The following CCRL2 variants were observed in gnomAD, a reference collection of about 807,000 sequenced individuals.
CCRL2 encodes C-C chemokine receptor-like 2.
For missense variants in CCRL2, 451 were observed against 412.4 expected (o/e 1.09, Z -0.81); for synonymous variants, 181 against 165.6 (o/e 1.09, Z -0.71).
At chr3:46,407,656 T>G (rs1702066031) in intron 1 of CCRL2, 154 bp downstream of exon 1, 2 of 1,529,176 alleles carry the variant, frequency 1.3e-6, no homozygotes, top group East Asian at 5.0e-5. Context: ...GCAAACTTTT[T>G]AAAATGCAGA....
At chr3:46,407,599 G>A (rs963962116) in intron 1 of CCRL2, 97 bp downstream of exon 1, 26 of 1,259,488 alleles carry the variant, frequency 2.1e-5, no homozygotes, top group African/African-American at 6.2e-5. Flanking sequence ...TATACCCTTC[G>A]AGAGAAAAAC....
Position 46,407,636 on chromosome 3 carries a change from CG to C in CCRL2, c.-13+140del, listed in dbSNP as rs767358601. On this transcript the variant is annotated intron_variant, in intron 1 of 1. Coordinates refer to ENST00000399036, the MANE Select transcript of CCRL2 (RefSeq NM_003965.5). ...TCTCAGCTGTCACAGGAAGCTGCTT[CG>C]GGGGGTGAGCAAACTTTTTAAAATG... is the stretch of plus-strand genomic sequence containing the variant. 5 of 1,536,376 alleles carry C rather than the reference CG, an allele frequency of 3.3e-6. No individual in the cohort carries two copies. The African/African-American group carries it at 4.2e-5, about 13-fold the overall frequency.
At position 46,408,783 on chromosome 3, in the gene CCRL2, G is replaced by C. The variant is rs376131944; in HGVS notation, c.704G>C (p.Ser235Thr). The C allele has an allele frequency of 5.6e-6, 9 of 1,614,056 alleles. No individual in the cohort carries two copies. In the African/African-American group the frequency reaches 1.1e-4, roughly 19 times the overall value. ...CTAAGGTTCAGGGAGCAGAGGTATA[G>C]CCTTTTCAAGCTTGTTTTTGCCATA... ...KTLRFREQRY[S>T]LFKLVFAIMV... The change falls in exon 2 of 2, where the codon AGC (serine) becomes ACC (threonine). Residue 235 changes from serine (S) to threonine (T), a missense_variant. Ser to Thr is a moderately conservative substitution (Grantham distance 58). Transcript: ENST00000399036.
In CCRL2 at chr3:46,409,381, G is replaced by C; in HGVS notation, c.*267G>C. 1 of 474,378 alleles carries C rather than the reference G, an allele frequency of 2.1e-6. No homozygotes were observed. Among genetic ancestry groups the C allele is most frequent in the Non-Finnish European group, 3.9e-6 (1 of 259,178 alleles). The allele number at this position is 474,378 out of a possible 1,614,324, so 29.4% of individuals were successfully genotyped here. ...GAAGAAAACTAAGGCGCGGAAATTT[G>C]TCTAAGATCACATAACTAGGAAGTG... On this transcript the variant is annotated 3_prime_UTR_variant, in exon 2 of 2. Transcript: ENST00000399036.
chr3:46,407,637 G>A (rs973453198), intron 1 of CCRL2, 135 bp downstream of exon 1: 45 of 1,535,654 alleles, frequency 2.9e-5, no homozygotes, highest in Middle Eastern at 1.7e-4. Flanking sequence ...AAGCTGCTTC[G>A]GGGGGTGAGC....
rs938617585 is a variant in CCRL2 at position 46,407,423 on chromosome 3, A to G, written c.-92A>G. Reference sequence around the variant, plus strand: ...CAGTCTGATCAAAAGGAGGGCATCCACTGTCCGGGGCCATTCCCACAGCTC... The same window carrying G: ...CAGTCTGATCAAAAGGAGGGCATCCGCTGTCCGGGGCCATTCCCACAGCTC... On this transcript the variant is annotated 5_prime_UTR_variant, in exon 1 of 2. Coordinates refer to ENST00000399036, the MANE Select transcript of CCRL2 (RefSeq NM_003965.5). The G allele has an allele frequency of 4.1e-5, 21 of 518,334 alleles. No individual in the cohort carries two copies. Among genetic ancestry groups the G allele is most frequent in the African/African-American group, 3.9e-4 (19 of 49,116 alleles). The allele number at this position is 518,334 out of a possible 1,614,324, so 32.1% of individuals were successfully genotyped here.
At position 46,408,808 on chromosome 3, in the gene CCRL2, A is replaced by G; in HGVS notation, c.729A>G (p.Ile243Met). 2 of 1,614,188 alleles carry G rather than the reference A, an allele frequency of 1.2e-6. No individual in the cohort carries two copies. Among genetic ancestry groups the G allele is most frequent in the Non-Finnish European group, 1.7e-6 (2 of 1,180,038 alleles). ...RYSLFKLVFA[I>M]MVVFLLMWAP... ...GCCTTTTCAAGCTTGTTTTTGCCAT[A>G]ATGGTAGTCTTCCTTCTGATGTGGG... Residue 243 changes from isoleucine (I) to methionine (M), a missense_variant, in exon 2 of 2, where the codon ATA (isoleucine) becomes ATG (methionine). Transcript: ENST00000399036.
chr3:46,408,220 T>G lies in CCRL2; in HGVS notation c.141T>G (p.Ala47=). 6.2e-7 allele frequency: 1 copy of G among 1,614,198 alleles called. No homozygotes were observed. Among genetic ancestry groups the G allele is most frequent in the Non-Finnish European group, 8.5e-7 (1 of 1,180,024 alleles). The part of the protein sequence containing the change: ...SAQLVPSLCS[A]VFVIGVLDNL... ...AGCTGGTGCCATCACTCTGCTCTGCTGTGTTTGTGATCGGTGTCCTGGACA... is the reference window on the plus strand; with the variant it reads ...AGCTGGTGCCATCACTCTGCTCTGCGGTGTTTGTGATCGGTGTCCTGGACA... Residue 47 remains alanine, a synonymous_variant, in exon 2 of 2, where the codon GCT becomes GCG. Transcript: ENST00000399036.
chr3:46,408,548 G>A lies in CCRL2; in HGVS notation c.469G>A (p.Val157Ile), dbSNP rs201098821. The A allele has an allele frequency of 3.2e-5, 52 of 1,614,014 alleles. No individual in the cohort carries two copies. Among genetic ancestry groups the A allele is most frequent in the Non-Finnish European group, 4.2e-5 (49 of 1,179,968 alleles). ...CGIITSVLAW[V>I]TAILATLPEF... ...CATCATTACAAGTGTCCTGGCATGG[G>A]TAACAGCCATTCTGGCCACTTTGCC... The change falls in exon 2 of 2, where the codon GTA becomes ATA. Residue 157 changes from valine to isoleucine, a missense_variant. By Grantham distance (29) the Val-to-Ile change is conservative. Coordinates refer to ENST00000399036, the MANE Select transcript of CCRL2 (RefSeq NM_003965.5).
In CCRL2 at chr3:46,408,841, C is replaced by T. The variant is rs749456069; in HGVS notation, c.762C>T (p.Tyr254=). ...MVVFLLMWAP[Y]NIAFFLSTFK... is the part of the protein sequence containing the mutation. ...TCTTCCTTCTGATGTGGGCGCCCTACAATATTGCATTTTTCCTGTCCACTT... is the reference window on the plus strand; with the variant it reads ...TCTTCCTTCTGATGTGGGCGCCCTATAATATTGCATTTTTCCTGTCCACTT... The change falls in exon 2 of 2, where the codon TAC becomes TAT. Residue 254 remains tyrosine, a synonymous_variant. Transcript: ENST00000399036. 4.3e-5 allele frequency: 70 copies of T among 1,614,058 alleles called. No homozygotes were observed. Among genetic ancestry groups the T allele is most frequent in the Middle Eastern group, 1.6e-4 (1 of 6,084 alleles).
rs189815739 is a variant in CCRL2 at position 46,408,177 on chromosome 3, C to G, written c.98C>G (p.Ala33Gly). Residue 33 changes from alanine (A) to glycine (G), a missense_variant, in exon 2 of 2, where the codon GCC becomes GGC. Physicochemically the swap from Ala to Gly is moderately conservative, Grantham distance 60 (BLOSUM62 0). Coordinates refer to ENST00000399036, the MANE Select transcript of CCRL2 (RefSeq NM_003965.5). ...DEAEQCDKYD[A>G]QALSAQLVPS... ...GCAGAGCAATGTGACAAGTATGACG[C>G]CCAGGCACTCTCAGCCCAGCTGGTG... The G allele has an allele frequency of 4.0e-4, 639 of 1,612,912 alleles. 3 individuals carry two copies. In the African/African-American group the frequency reaches 7.6e-3, roughly 19 times the overall value.
At chr3:46,407,772 C>A in intron 1 of CCRL2, 1 of 1,227,612 alleles carries the variant, frequency 8.1e-7, no homozygotes, top group Non-Finnish European at 1.1e-6. Context: ...CCTGTTTCTG[C>A]TAAAAGAAGG....
At chr3:46,407,684 G>T (rs11574441) in intron 1 of CCRL2, 182 bp downstream of exon 1, 1 of 1,542,926 alleles carries the variant, frequency 6.5e-7, no homozygotes, top group East Asian at 2.5e-5. Context: ...ATCTACACCC[G>T]TTTCTTAAAA....
Position 46,407,712 on chromosome 3 carries a change from G to A in CCRL2, c.-13+210G>A, listed in dbSNP as rs561790874. Reference sequence around the variant, plus strand: ...TCTTAAAAGTAAGCCATCGTACTTGGTTCTCTTTAATTATATATTTTCTTA... The same window carrying A: ...TCTTAAAAGTAAGCCATCGTACTTGATTCTCTTTAATTATATATTTTCTTA... On this transcript the variant is annotated intron_variant, in intron 1 of 1. Transcript: ENST00000399036. 640 of 1,524,544 alleles carry A rather than the reference G, an allele frequency of 4.2e-4. 5 individuals carry two copies. The South Asian group carries it at 6.3e-3, about 15-fold the overall frequency. The allele number at this position is 1,524,544 out of a possible 1,614,324, so 94.4% of individuals were successfully genotyped here. A position where few individuals can be genotyped will look rare whatever the true frequency, so the allele number is the denominator to read the frequency against.
At position 46,408,738 on chromosome 3, in the gene CCRL2, A is replaced by G. The variant is rs56127823; in HGVS notation, c.659A>G (p.Tyr220Cys). 43 of 1,613,922 alleles carry G rather than the reference A, an allele frequency of 2.7e-5. No homozygotes were observed. In the East Asian group the frequency reaches 8.7e-4, roughly 33 times the overall value. ...VLPLFIFTFLYVQMRKTLRFR... is the reference protein window; with the variant it reads ...VLPLFIFTFLCVQMRKTLRFR... ...CCCCTATTTATTTTTACATTTCTCT[A>G]TGTGCAAATGAGAAAAACACTAAGG... Residue 220 changes from tyrosine to cysteine, a missense_variant, in exon 2 of 2, where the codon TAT becomes TGT. Tyr to Cys is a radical substitution (Grantham distance 194). Coordinates refer to ENST00000399036, the MANE Select transcript of CCRL2 (RefSeq NM_003965.5).
chr3:46,408,346 T>A lies in CCRL2; in HGVS notation c.267T>A (p.Leu89=). ...NLAVSNLCFL[L]TLPFWAHAGG... ...CAGTTTCTAACTTGTGTTTCTTGCT[T>A]ACCCTGCCCTTCTGGGCTCATGCTG... is the stretch of plus-strand genomic sequence containing the variant. The change falls in exon 2 of 2, where the codon CTT becomes CTA. Residue 89 remains leucine (L), a synonymous_variant. Transcript: ENST00000399036. The A allele has an allele frequency of 1.9e-6, 3 of 1,614,252 alleles. No homozygotes were observed. The highest frequency in any genetic ancestry group is 2.5e-6 in the Non-Finnish European group (3 of 1,180,040).
chr3:46,408,774 A>G lies in CCRL2; in HGVS notation c.695A>G (p.Gln232Arg), dbSNP rs1702094140. Residue 232 changes from glutamine to arginine, a missense_variant, in exon 2 of 2, where the codon CAG (glutamine) becomes CGG (arginine). Gln to Arg is a conservative substitution (Grantham distance 43). Coordinates refer to ENST00000399036, the MANE Select transcript of CCRL2 (RefSeq NM_003965.5). Reference protein sequence around the residue: ...QMRKTLRFREQRYSLFKLVFA... With the variant: ...QMRKTLRFRERRYSLFKLVFA... ...AGAAAAACACTAAGGTTCAGGGAGC[A>G]GAGGTATAGCCTTTTCAAGCTTGTT... The G allele has an allele frequency of 6.2e-7, 1 of 1,614,100 alleles. No individual in the cohort carries two copies.
Position 46,408,848 on chromosome 3 carries a change from G to T in CCRL2, c.769G>T (p.Ala257Ser). The T allele has an allele frequency of 1.2e-6, 2 of 1,614,150 alleles. No individual in the cohort carries two copies. The highest frequency in any genetic ancestry group is 2.2e-5 in the South Asian group (2 of 91,084). Reference protein sequence around the residue: ...FLLMWAPYNIAFFLSTFKEHF... With the variant: ...FLLMWAPYNISFFLSTFKEHF... ...TCTGATGTGGGCGCCCTACAATATTGCATTTTTCCTGTCCACTTTCAAAGA... is the reference window on the plus strand; with the variant it reads ...TCTGATGTGGGCGCCCTACAATATTTCATTTTTCCTGTCCACTTTCAAAGA... The change falls in exon 2 of 2, where the codon GCA becomes TCA. Residue 257 changes from alanine to serine, a missense_variant. Physicochemically the swap from Ala to Ser is moderately conservative, Grantham distance 99 (BLOSUM62 1). Transcript: ENST00000399036.
Position 46,409,063 on chromosome 3 carries a change from G to A in CCRL2, c.984G>A (p.Gln328=). 2.5e-6 allele frequency: 4 copies of A among 1,614,172 alleles called. No homozygotes were observed. Among genetic ancestry groups the A allele is most frequent in the Non-Finnish European group, 3.4e-6 (4 of 1,180,018 alleles). The change falls in exon 2 of 2, where the codon CAG becomes CAA. Residue 328 remains glutamine, a synonymous_variant. Transcript: ENST00000399036. ...RSNTPLQPRG[Q]SAQGTSREEP... is the part of the protein sequence containing the mutation. ...ACACCCCACTTCAACCCAGGGGGCA[G>A]TCTGCACAAGGCACATCGAGGGAAG...
Sources: allele counts gnomAD v4.1 joint callset, GRCh38; gene constraint gnomAD v4.1.1; transcripts MANE v1.5; gene names NCBI Gene and HGNC (gene_info 2026-07-23, HGNC 2026-07-21).